The following MEGF8 variants were observed in gnomAD, a reference collection of about 807,000 sequenced individuals.
MEGF8 encodes the protein multiple EGF like domains 8.
Under a neutral mutation model 302.9 loss-of-function variants are expected in MEGF8, and 156 were observed. The observed-to-expected ratio is 0.52, with a 90% confidence interval of 0.45 to 0.59. The LOEUF (loss-of-function observed/expected upper bound fraction) is 0.59, where lower values mean the gene tolerates loss of function less well. Ranked by LOEUF, MEGF8 falls within the 20% of genes least tolerant of loss-of-function variation. The probability of loss-of-function intolerance (pLI) is 0.00; values close to 1 mark genes in which losing one functional copy is unlikely to be tolerated. For missense variants in MEGF8, 3,345 were observed against 3,964.5 expected (o/e 0.84, Z 4.20); for synonymous variants, 1,621 against 1,660.5 (o/e 0.98, Z 0.58).
intron 35 of MEGF8, among the ~76,000 whole-genome samples, chr19:42,367,834 C>T (rs544682264): frequency 2.4e-4 from 36 of 152,226 alleles, no homozygotes; most frequent in Non-Finnish European, 4.9e-4. Flanking sequence ...CTGCAGCCTG[C>T]TCTTTTCCTG....
At chr19:42,347,338 A>G (rs1279611677) in intron 12 of MEGF8, among the ~76,000 whole-genome samples, 1 of 130,006 alleles carries the variant, frequency 7.7e-6, no homozygotes. Context: ...TTTTTTTGAG[A>G]TGGAGTCTCT....
chr19:42,361,086 G>T, intron 32 of MEGF8, 80 bp downstream of exon 32: 1 of 1,399,966 alleles, frequency 7.1e-7, no homozygotes, highest in Non-Finnish European at 9.6e-7. Flanking sequence ...CCAGGATGGA[G>T]GCCTCAGGAG....
chr19:42,369,277 C>T lies in MEGF8; in HGVS notation c.6642-254C>T, dbSNP rs775681705. Among the ~76,000 whole-genome samples, 8 of 151,946 alleles carry T rather than the reference C, an allele frequency of 5.3e-5. No individual in the cohort carries two copies. The highest frequency in any genetic ancestry group is 1.2e-4 in the Non-Finnish European group (8 of 67,986). ...GGTGGATCACTTAAGGCCAGGAGTT[C>T]GAGACCAGTCCACAGGGAGACCCCA... On this transcript the variant is annotated intron_variant, in intron 37 of 41. Coordinates refer to ENST00000251268, the MANE Select transcript of MEGF8 (RefSeq NM_001271938.2). This position sits in a 1 kb window ranked among gnomAD's most constrained non-coding sequence, Gnocchi z 5.7.
In MEGF8 at chr19:42,337,190, G is replaced by A. The variant is rs374205876; in HGVS notation, c.1497G>A (p.Pro499=). ...GGGTGTCAGGAGCTGAGCTTGCCCC[G>A]CCAGGAACCCCTGAGGGTGAGTGGT... ...HQWVSGAELA[P]PGTPEGRAAP... is the part of the protein sequence containing the mutation. The change falls in exon 8 of 42, where the codon CCG becomes CCA. Residue 499 remains proline (P), a synonymous_variant. Transcript: ENST00000251268. 4.8e-5 allele frequency: 78 copies of A among 1,613,634 alleles called. No individual in the cohort carries two copies. Among genetic ancestry groups the A allele is most frequent in the Middle Eastern group, 1.7e-4 (1 of 5,936 alleles).
Position 42,344,061 on chromosome 19 carries a change from C to A in MEGF8, c.1776C>A (p.Thr592=). ...GACQAAPPPG[T]PLGACPAASC... is the part of the protein sequence containing the mutation. ...GCCAAGCTGCACCCCCTCCTGGGACCCCCTTGGGGGCTGTGAGTGACAGCC... is the reference window on the plus strand; with the variant it reads ...GCCAAGCTGCACCCCCTCCTGGGACACCCTTGGGGGCTGTGAGTGACAGCC... The change falls in exon 10 of 42, where the codon ACC becomes ACA. Residue 592 remains threonine (T), a synonymous_variant. Transcript: ENST00000251268. The surrounding 1 kb of genome is among the most constrained non-coding windows in gnomAD (Gnocchi z 4.5). 1 of 1,613,410 alleles carries A rather than the reference C, an allele frequency of 6.2e-7. No homozygotes were observed.
Position 42,351,752 on chromosome 19 carries a change from C to A in MEGF8, c.3092C>A (p.Thr1031Lys). ...CGWCGNEDNP[T>K]LGRCLQGDFS... ...TGGTGTGGCAATGAGGACAACCCCACACTGGGACGGTGAGCCCGGGCAGGT... is the reference window on the plus strand; with the variant it reads ...TGGTGTGGCAATGAGGACAACCCCAAACTGGGACGGTGAGCCCGGGCAGGT... The change falls in exon 18 of 42, where the codon ACA becomes AAA. Residue 1031 changes from threonine to lysine, a missense_variant. Transcript: ENST00000251268. The surrounding 1 kb of genome is among the most constrained non-coding windows in gnomAD (Gnocchi z 5.6). The A allele has an allele frequency of 6.3e-7, 1 of 1,577,456 alleles. No homozygotes were observed. Among genetic ancestry groups the A allele is most frequent in the East Asian group, 2.4e-5 (1 of 42,426 alleles).
intron 31 of MEGF8, among the ~76,000 whole-genome samples, chr19:42,360,493 G>A (rs1386196018): frequency 1.3e-5 from 2 of 151,826 alleles, no homozygotes; most frequent in Admixed American, 6.6e-5. Flanking sequence ...CCACAGGTGC[G>A]CACCACCATG....
At chr19:42,341,621 G>GT (rs1412417036) in intron 8 of MEGF8, among the ~76,000 whole-genome samples, 1 of 151,968 alleles carries the variant, frequency 6.6e-6, no homozygotes, top group African/African-American at 2.4e-5. Flanking sequence ...AAATATTTTT[G>GT]TTTTTTAGAG....
intron 12 of MEGF8, among the ~76,000 whole-genome samples, chr19:42,346,433 T>G (rs549954845): frequency 6.6e-6 from 1 of 151,826 alleles, no homozygotes; most frequent in East Asian, 1.9e-4. Flanking sequence ...TCCCAGCACT[T>G]TGGGAGGCTA....
chr19:42,341,360 C>T (rs1349583491), intron 8 of MEGF8, among the ~76,000 whole-genome samples: 7 of 137,148 alleles, frequency 5.1e-5, no homozygotes, highest in South Asian at 2.5e-4. Context: ...ACCCAGGAGG[C>T]GGAGGTTGCA....
chr19:42,331,848 G>A (rs1256924607), intron 1 of MEGF8, among the ~76,000 whole-genome samples: 1 of 148,508 alleles, frequency 6.7e-6, no homozygotes, highest in African/African-American at 2.5e-5. Context: ...GGGATTATAG[G>A]CGTGACCCAC....
chr19:42,355,716 G>A lies in MEGF8; in HGVS notation c.4145-42G>A, dbSNP rs963415733. On this transcript the variant is annotated intron_variant, in intron 23 of 41. Transcript: ENST00000251268. The stretch of plus-strand genomic sequence containing the variant: ...AGCATCTGGGGGTGGAAGGGGCCAG[G>A]AACGTGACTTTGCTACCAGCCTCTG... The A allele has an allele frequency of 3.9e-6, 6 of 1,523,388 alleles. No homozygotes were observed. In the African/African-American group the frequency reaches 4.1e-5, roughly 10 times the overall value. The allele number at this position is 1,523,388 out of a possible 1,614,324, so 94.4% of individuals were successfully genotyped here.
Position 42,336,375 on chromosome 19 carries a change from C to T in MEGF8, c.1244+29C>T, listed in dbSNP as rs2039128866. ...AGTGACCTGTCCCATAACCCATGCT[C>T]CACAGGCCAGGCCCAGCTCAACACC... On this transcript the variant is annotated intron_variant, in intron 6 of 41. Transcript: ENST00000251268. The surrounding 1 kb of genome is among the most constrained non-coding windows in gnomAD (Gnocchi z 4.8). 1.9e-6 allele frequency: 3 copies of T among 1,556,166 alleles called. No individual in the cohort carries two copies. The highest frequency in any genetic ancestry group is 2.6e-6 in the Non-Finnish European group (3 of 1,152,088).
In MEGF8 at chr19:42,356,583, G is replaced by T; in HGVS notation, c.4622+130G>T. The stretch of plus-strand genomic sequence containing the variant: ...CAGCCCAAAGGATGCTGGGACACTT[G>T]TCACAGGAAGCTCACCCGGGGACAC... On this transcript the variant is annotated intron_variant, in intron 26 of 41. Coordinates refer to ENST00000251268, the MANE Select transcript of MEGF8 (RefSeq NM_001271938.2). This position sits in a 1 kb window ranked among gnomAD's most constrained non-coding sequence, Gnocchi z 5.2. 1.0e-6 allele frequency: 1 copy of T among 962,198 alleles called. No individual in the cohort carries two copies. The highest frequency in any genetic ancestry group is 1.7e-5 in the South Asian group (1 of 57,738). The allele number at this position is 962,198 out of a possible 1,614,324, so 59.6% of individuals were successfully genotyped here. A position where few individuals can be genotyped will look rare whatever the true frequency, so the allele number is the denominator to read the frequency against.
chr19:42,335,899 C>T (rs1286400084), intron 5 of MEGF8, 32 bp from the exon 6 acceptor site: 8 of 1,446,712 alleles, frequency 5.5e-6, no homozygotes, highest in South Asian at 2.8e-5. Flanking sequence ...CTTGCTGTGT[C>T]TCTACCTCTG....
intron 12 of MEGF8, among the ~76,000 whole-genome samples, chr19:42,347,142 C>T (rs1180822752): frequency 6.6e-6 from 1 of 152,022 alleles, no homozygotes; most frequent in Non-Finnish European, 1.5e-5. Flanking sequence ...CTGGAAGATC[C>T]ATTTGGGTTT....
In MEGF8 at chr19:42,374,483, A is replaced by AG. The variant is rs1395900032; in HGVS notation, c.7270-1024_7270-1023insG. ...GAGACTCTGTCTCAAAAAAAAAAAA[A>AG]AAAAAAAAAGTCTCACCCCAGATCA... is the stretch of plus-strand genomic sequence containing the variant. On this transcript the variant is annotated intron_variant, in intron 41 of 41. Transcript: ENST00000251268. Among the ~76,000 whole-genome samples the AG allele has an allele frequency of 3.3e-5, 5 of 151,608 alleles. No individual in the cohort carries two copies. The East Asian group carries it at 7.7e-4, about 23-fold the overall frequency.
rs1258233425 is a variant in MEGF8 at position 42,354,766 on chromosome 19, A to G, written c.4144+46A>G. 6.4e-7 allele frequency: 1 copy of G among 1,558,072 alleles called. No individual in the cohort carries two copies. Among genetic ancestry groups the G allele is most frequent in the Non-Finnish European group, 8.7e-7 (1 of 1,152,616 alleles). ...GGGACCTCTTAGTCCTGGGCTATGT[A>G]TCCCTTGCCCCTGAACTCACCACCT... On this transcript the variant is annotated intron_variant, in intron 23 of 41. Transcript: ENST00000251268. The surrounding 1 kb of genome is among the most constrained non-coding windows in gnomAD (Gnocchi z 4.3).
At position 42,376,340 on chromosome 19, in the gene MEGF8, C is replaced by T. The variant is rs772567355; in HGVS notation, c.8103C>T (p.Thr2701=). Residue 2701 remains threonine, a synonymous_variant, in exon 42 of 42, where the codon ACC becomes ACT. Transcript: ENST00000251268. This position sits in a 1 kb window ranked among gnomAD's most constrained non-coding sequence, Gnocchi z 8.2. ...KMASRPFAKV[T]VCFPPDPTAP... is the part of the protein sequence containing the mutation. ...CCAGCCGCCCCTTCGCCAAGGTCACCGTCTGCTTCCCACCTGACCCTACTG... is the reference window on the plus strand; with the variant it reads ...CCAGCCGCCCCTTCGCCAAGGTCACTGTCTGCTTCCCACCTGACCCTACTG... 6.2e-6 allele frequency: 10 copies of T among 1,613,622 alleles called. No individual in the cohort carries two copies. Among genetic ancestry groups the T allele is most frequent in the Middle Eastern group, 1.6e-4 (1 of 6,062 alleles).
Sources: allele counts gnomAD v4.1 joint callset (sites outside exome capture counted in the v4.1 genomes callset), GRCh38; gene constraint gnomAD v4.1.1; non-coding constraint Gnocchi (gnomAD v3.1); transcripts MANE v1.5; gene names NCBI Gene and HGNC (gene_info 2026-07-23, HGNC 2026-07-21).